The following SNAP29 variants were observed in gnomAD, a reference collection of about 807,000 sequenced individuals.
The protein encoded by SNAP29 is synaptosomal-associated protein 29.
SNAP29 carries 13 observed loss-of-function variants against 27.9 expected under a neutral mutation model. The observed-to-expected ratio is 0.47, with a 90% CI of 0.30 to 0.74. The LOEUF (loss-of-function observed/expected upper bound fraction) is 0.74, where lower values mean the gene tolerates loss of function less well. SNAP29 is among the 30% of genes least tolerant of loss of function. SNAP29 has a pLI of 0.06. For missense variants in SNAP29, 368 were observed against 336.5 expected (o/e 1.09, Z -0.73); for synonymous variants, 119 against 127.1 (o/e 0.94, Z 0.43).
At chr22:20,869,517 C>T (rs1274473620) in intron 1 of SNAP29, among the ~76,000 whole-genome samples, 2 of 152,194 alleles carry the variant, frequency 1.3e-5, no homozygotes, top group Non-Finnish European at 2.9e-5. Context: ...GGGCTAGAGT[C>T]AGACACTAAT....
At chr22:20,863,290 C>T (rs997365252) in intron 1 of SNAP29, among the ~76,000 whole-genome samples, 2 of 141,588 alleles carry the variant, frequency 1.4e-5, no homozygotes, top group African/African-American at 5.5e-5. Context: ...TTCCAGCATA[C>T]CCTGCTAATC....
rs536738724 is a variant in SNAP29 at position 20,889,957 on chromosome 22, T to C, written c.*2121T>C. ...CTTCTCTGTTTTTTGGTTTTTTTTT[T>C]CTTAACCCCAGGTATATGGAAGGGG... On this transcript the variant is annotated 3_prime_UTR_variant, in exon 5 of 5. Coordinates refer to ENST00000215730, the MANE Select transcript of SNAP29 (RefSeq NM_004782.4). The C allele has an allele frequency of 1.1e-3, 282 of 261,944 alleles. 2 individuals carry two copies. The highest frequency in any genetic ancestry group is 5.8e-3 in the African/African-American group (263 of 45,600). 16.2% of individuals were successfully genotyped at this position (261,944 alleles called of 1,614,324 possible).
rs998881005 is a variant in SNAP29, at chr22:20,870,456, G to A, written c.357G>A (p.Leu119=). Residue 119 remains leucine, a synonymous_variant, in exon 2 of 5, where the codon CTG becomes CTA. Transcript: ENST00000215730. ...INSIKSVFGG[L]VNYFKSKPVE... ...GCATTAAGAGCGTGTTTGGGGGGCT[G>A]GTCAATTACTTCAAATCCAAACCAG... is the stretch of plus-strand genomic sequence containing the variant. The A allele has an allele frequency of 1.2e-6, 2 of 1,614,146 alleles. No homozygotes were observed. The highest frequency in any genetic ancestry group is 1.7e-6 in the Non-Finnish European group (2 of 1,180,024).
chr22:20,873,262 C>G (rs1343034686), intron 2 of SNAP29, among the ~76,000 whole-genome samples: 1 of 152,050 alleles, frequency 6.6e-6, no homozygotes, highest in African/African-American at 2.4e-5. Flanking sequence ...CCTCCCACCT[C>G]GGCCTCCCAA....
chr22:20,861,118 G>GT (rs362237), intron 1 of SNAP29, among the ~76,000 whole-genome samples: 14,772 of 121,750 alleles, frequency 0.12, 3,057 homozygotes, highest in African/African-American at 0.41. Flanking sequence ...CCTCCCTGTG[G>GT]TTTTTTTTTT....
At chr22:20,859,682 T>A (rs770951544) in intron 1 of SNAP29, 33 of 374,830 alleles carry the variant, frequency 8.8e-5, no homozygotes, top group Non-Finnish European at 1.4e-4. Context: ...GTTTGGGAAA[T>A]GGAGAGTCCG....
At chr22:20,880,573 C>A (rs973074894) in intron 2 of SNAP29, among the ~76,000 whole-genome samples, 1 of 151,860 alleles carries the variant, frequency 6.6e-6, no homozygotes, top group Non-Finnish European at 1.5e-5. Context: ...ATCAGCAGGT[C>A]ATTGTTTGCT....
intron 1 of SNAP29, among the ~76,000 whole-genome samples, chr22:20,861,604 A>T (rs2147859032): frequency 6.6e-6 from 1 of 151,386 alleles, no homozygotes; most frequent in South Asian, 2.1e-4. Context: ...CACCTGGCTA[A>T]TTTTTTTGTT....
intron 2 of SNAP29, among the ~76,000 whole-genome samples, chr22:20,874,078 A>C: frequency 6.6e-6 from 1 of 150,430 alleles, no homozygotes; most frequent in Non-Finnish European, 1.5e-5. Flanking sequence ...GATTGAGACC[A>C]TCCTGGCTAA....
intron 1 of SNAP29, chr22:20,859,602 C>T (rs1928184800): frequency 3.7e-6 from 2 of 544,792 alleles, no homozygotes; most frequent in South Asian, 4.6e-5. Context: ...TTTTCTTACG[C>T]CTAGCTCACG....
In SNAP29 at chr22:20,870,558, G is replaced by C. The variant is rs768155375; in HGVS notation, c.434+25G>C. The C allele has an allele frequency of 2.5e-6, 4 of 1,605,430 alleles. No individual in the cohort carries two copies. In the South Asian group the frequency reaches 4.4e-5, roughly 18 times the overall value. On this transcript the variant is annotated intron_variant, in intron 2 of 4. Coordinates refer to ENST00000215730, the MANE Select transcript of SNAP29 (RefSeq NM_004782.4). ...GGTGAGTGCATCTTCTACCATCTGG[G>C]TATAAAGGAGCAGAAGTGGGGATTA...
Position 20,887,900 on chromosome 22 carries a change from A to G in SNAP29, c.*64A>G. The G allele has an allele frequency of 6.8e-7, 1 of 1,479,784 alleles. No homozygotes were observed. Among genetic ancestry groups the G allele is most frequent in the Non-Finnish European group, 9.4e-7 (1 of 1,061,386 alleles). 91.7% of individuals were successfully genotyped at this position (1,479,784 alleles called of 1,614,324 possible). A position where few individuals can be genotyped will look rare whatever the true frequency, so the allele number is the denominator to read the frequency against. On this transcript the variant is annotated 3_prime_UTR_variant, in exon 5 of 5. Coordinates refer to ENST00000215730, the MANE Select transcript of SNAP29 (RefSeq NM_004782.4). Reference sequence around the variant, plus strand: ...TGAAAGATCTTTTTTTGAACTTCCAAGAAATTTCATTTACTATTTTAGTAT... The same window carrying G: ...TGAAAGATCTTTTTTTGAACTTCCAGGAAATTTCATTTACTATTTTAGTAT...
Position 20,880,549 on chromosome 22 carries a change from G to T in SNAP29, c.435-500G>T, listed in dbSNP as rs113405585. ...CGGGGAAACAGTACAAAAACAGGAG[G>T]TGAGCCAGATGTGATCAGCAGGTCA... On this transcript the variant is annotated intron_variant, in intron 2 of 4. Transcript: ENST00000215730. Among the ~76,000 whole-genome samples the T allele has an allele frequency of 2.6e-4, 40 of 152,156 alleles. 1 individual carries two copies. In the East Asian group the frequency reaches 7.5e-3, roughly 29 times the overall value.
intron 4 of SNAP29, among the ~76,000 whole-genome samples, chr22:20,886,940 T>C (rs1929030531): frequency 1.3e-5 from 2 of 151,938 alleles, no homozygotes; most frequent in Non-Finnish European, 2.9e-5. Flanking sequence ...AAAACTGATT[T>C]TGGCCGGGCG....
rs939568675 is a variant in SNAP29 at position 20,870,448 on chromosome 22, G to C, written c.349G>C (p.Gly117Arg). 4 of 1,614,128 alleles carry C rather than the reference G, an allele frequency of 2.5e-6. No homozygotes were observed. The highest frequency in any genetic ancestry group is 1.7e-6 in the Non-Finnish European group (2 of 1,179,998). ...CATCAATAGCATTAAGAGCGTGTTT[G>C]GGGGGCTGGTCAATTACTTCAAATC... ...KHINSIKSVFGGLVNYFKSKP... is the reference protein window; with the variant it reads ...KHINSIKSVFRGLVNYFKSKP... The change falls in exon 2 of 5, where the codon GGG becomes CGG. Residue 117 changes from glycine to arginine, a missense_variant. Physicochemically the swap from Gly to Arg is moderately radical, Grantham distance 125. Transcript: ENST00000215730.
chr22:20,874,357 A>C (rs1457392920), intron 2 of SNAP29, among the ~76,000 whole-genome samples: 10 of 4,088 alleles, frequency 2.4e-3, no homozygotes, highest in South Asian at 9.7e-3. Context: ...AGCCACACAC[A>C]CACACACACA....
intron 1 of SNAP29, among the ~76,000 whole-genome samples, chr22:20,866,027 A>G (rs1928451246): frequency 8.5e-5 from 13 of 152,222 alleles, no homozygotes; most frequent in Admixed American, 5.9e-4. Context: ...GACCTGGTCT[A>G]AGCTTAGGCT....
chr22:20,859,134 C>CGG lies in SNAP29; in HGVS notation c.24_25insGG (p.Asn9GlyfsTer95). The CGG allele has an allele frequency of 6.2e-7, 1 of 1,608,186 alleles. No homozygotes were observed. Among genetic ancestry groups the CGG allele is most frequent in the Non-Finnish European group, 8.5e-7 (1 of 1,178,320 alleles). On this transcript the variant is annotated frameshift_variant, in exon 1 of 5. Coordinates refer to ENST00000215730, the MANE Select transcript of SNAP29 (RefSeq NM_004782.4). LOFTEE classifies it high-confidence loss of function. ...CCATGTCAGCTTACCCTAAAAGCTA[C>CGG]AATCCGTTCGACGACGACGGGGAGG...
At chr22:20,873,828 CATG>C (rs1928654177) in intron 2 of SNAP29, among the ~76,000 whole-genome samples, 1 of 151,382 alleles carries the variant, frequency 6.6e-6, no homozygotes, top group Non-Finnish European at 1.5e-5. Context: ...ATCAGCCAGG[CATG>C]GTGGTGCCTG....
Sources: allele counts gnomAD v4.1 joint callset (sites outside exome capture counted in the v4.1 genomes callset), GRCh38; gene constraint gnomAD v4.1.1; transcripts MANE v1.5; gene names NCBI Gene and HGNC (gene_info 2026-07-23, HGNC 2026-07-21).